Variants in CABLES1 observed in about 807,000 individuals in gnomAD.
The protein encoded by CABLES1 is Cdk5 and Abl enzyme substrate 1, also known as CDK5 and ABL1 enzyme substrate 1.
In CABLES1, 36 loss-of-function variants were observed where a neutral mutation model predicts 57.8. That is an observed-to-expected ratio of 0.62 (90% CI 0.48 to 0.82). The LOEUF is 0.82. Among genes scored for constraint, CABLES1 ranks in the 40% least tolerant of loss-of-function variants. CABLES1 has a pLI of 0.00. For missense variants in CABLES1, 767 were observed against 836.6 expected (o/e 0.92, Z 1.03); for synonymous variants, 374 against 363.0 (o/e 1.03, Z -0.35).
At chr18:23,156,355 T>TCTGTTCTCTG (rs1181992252) in intron 1 of CABLES1, among the ~76,000 whole-genome samples, 81 of 152,316 alleles carry the variant, frequency 5.3e-4, no homozygotes, top group African/African-American at 1.9e-3. Context: ...GGCCAAAGGC[T>TCTGTTCTCTG]GCTTGGCTGT....
rs1242926124 is a variant in CABLES1, at chr18:23,251,181, G to A, written c.1447-1779G>A. The stretch of plus-strand genomic sequence containing the variant: ...AGATTATGGCATGTAGGCCGGGCAC[G>A]GTTGCTCATGCCTGTAATGCCAGCA... On this transcript the variant is annotated intron_variant, in intron 7 of 9. Coordinates refer to ENST00000256925, the MANE Select transcript of CABLES1 (RefSeq NM_001100619.3). Among the ~76,000 whole-genome samples the A allele has an allele frequency of 2.0e-5, 3 of 152,208 alleles. 1 individual carries two copies. Among genetic ancestry groups the A allele is most frequent in the African/African-American group, 7.2e-5 (3 of 41,442 alleles).
intron 1 of CABLES1, among the ~76,000 whole-genome samples, chr18:23,137,176 G>C (rs1429299597): frequency 6.6e-6 from 1 of 152,188 alleles, no homozygotes; most frequent in Non-Finnish European, 1.5e-5. Context: ...CCTCCAACTA[G>C]GCCTAGGGGG....
intron 7 of CABLES1, among the ~76,000 whole-genome samples, chr18:23,249,018 T>C (rs1324711391): frequency 6.6e-6 from 1 of 152,172 alleles, no homozygotes; most frequent in African/African-American, 2.4e-5. Flanking sequence ...GCGCTGGCAC[T>C]GGCTGCTGGC....
rs537195650 is a variant in CABLES1, at chr18:23,185,696, A to G, written c.846-3142A>G. 5.9e-5 allele frequency among the ~76,000 whole-genome samples: 9 copies of G among 152,222 alleles called. No individual in the cohort carries two copies. In the South Asian group the frequency reaches 6.2e-4, roughly 11 times the overall value. ...TGGGTGCAGATTGAACAAAACATCA[A>G]TTGCCTATTTACTGGTCACCTGAAA... On this transcript the variant is annotated intron_variant, in intron 1 of 9. Coordinates refer to ENST00000256925, the MANE Select transcript of CABLES1 (RefSeq NM_001100619.3).
intron 4 of CABLES1, among the ~76,000 whole-genome samples, chr18:23,226,271 A>G (rs1404812760): frequency 1.3e-5 from 2 of 152,116 alleles, no homozygotes; most frequent in Non-Finnish European, 2.9e-5. Flanking sequence ...GCATGGTGGC[A>G]TGTGCCCGTA....
chr18:23,199,219 C>T (rs1040069368), intron 3 of CABLES1, among the ~76,000 whole-genome samples: 1 of 152,200 alleles, frequency 6.6e-6, no homozygotes, highest in African/African-American at 2.4e-5. Flanking sequence ...AAAGTTGGAA[C>T]TGTCATACAT....
At chr18:23,234,571 C>T in intron 4 of CABLES1, 37 bp from the exon 5 acceptor site, 2 of 1,542,640 alleles carry the variant, frequency 1.3e-6, no homozygotes, top group Non-Finnish European at 1.8e-6. Flanking sequence ...GAGGTGCACA[C>T]AAAAGCATTT....
At chr18:23,156,930 TAAGA>T (rs2046969807) in intron 1 of CABLES1, among the ~76,000 whole-genome samples, 1 of 152,158 alleles carries the variant, frequency 6.6e-6, no homozygotes, top group African/African-American at 2.4e-5. Context: ...CTAAAAATGC[TAAGA>T]AAAAGACAAG....
intron 7 of CABLES1, among the ~76,000 whole-genome samples, chr18:23,241,550 C>G (rs574072809): frequency 2.0e-5 from 3 of 152,238 alleles, no homozygotes; most frequent in South Asian, 4.1e-4. Flanking sequence ...AATAAAAATG[C>G]TCAGTGATAT....
At chr18:23,188,113 C>G (rs1242624314) in intron 1 of CABLES1, among the ~76,000 whole-genome samples, 1 of 152,226 alleles carries the variant, frequency 6.6e-6, no homozygotes, top group Non-Finnish European at 1.5e-5. Context: ...CCACCCTACC[C>G]TGCTCCCTGT....
intron 1 of CABLES1, among the ~76,000 whole-genome samples, chr18:23,182,694 A>G (rs978652266): frequency 1.3e-5 from 2 of 152,224 alleles, no homozygotes; most frequent in Non-Finnish European, 2.9e-5. Context: ...GTCACCTTCC[A>G]CGAAGTGGGC....
chr18:23,181,918 A>G (rs1477574565), intron 1 of CABLES1, among the ~76,000 whole-genome samples: 3 of 152,362 alleles, frequency 2.0e-5, no homozygotes, highest in Non-Finnish European at 1.5e-5. Context: ...TGAAGTAATC[A>G]TGACCTCAGC....
intron 2 of CABLES1, among the ~76,000 whole-genome samples, chr18:23,193,811 T>A (rs2145024457): frequency 6.6e-6 from 1 of 152,278 alleles, no homozygotes; most frequent in Non-Finnish European, 1.5e-5. Flanking sequence ...AATAAAAATT[T>A]TAAAAAAACT....
At chr18:23,141,535 T>C (rs987533216) in intron 1 of CABLES1, among the ~76,000 whole-genome samples, 12 of 152,232 alleles carry the variant, frequency 7.9e-5, no homozygotes, top group Admixed American at 2.0e-4. Flanking sequence ...ATCTCAGCAG[T>C]AAGCAAACAC....
At chr18:23,159,835 T>C (rs536716485) in intron 1 of CABLES1, among the ~76,000 whole-genome samples, 1 of 152,148 alleles carries the variant, frequency 6.6e-6, no homozygotes, top group Admixed American at 6.5e-5. Context: ...CCATTTCATC[T>C]AAAGATAAAA....
At chr18:23,188,403 A>T (rs923433722) in intron 1 of CABLES1, among the ~76,000 whole-genome samples, 3 of 152,204 alleles carry the variant, frequency 2.0e-5, no homozygotes, top group Non-Finnish European at 4.4e-5. Flanking sequence ...GTTGTTTTTA[A>T]TAGGGTTTCA....
chr18:23,150,943 G>A (rs917865748), intron 1 of CABLES1, among the ~76,000 whole-genome samples: 1 of 152,074 alleles, frequency 6.6e-6, no homozygotes, highest in Non-Finnish European at 1.5e-5. Context: ...GAATCGGGCG[G>A]ATGCCTCATA....
intron 1 of CABLES1, among the ~76,000 whole-genome samples, chr18:23,154,918 T>C (rs2144966401): frequency 6.6e-6 from 1 of 152,358 alleles, no homozygotes; most frequent in Admixed American, 6.5e-5. Flanking sequence ...GATATTCATG[T>C]CATTTACCCA....
rs762629061 is a variant in CABLES1 at position 23,257,348 on chromosome 18, G to A, written c.1883G>A (p.Arg628Gln). The change falls in exon 10 of 10, where the codon CGG (arginine) becomes CAG (glutamine). Residue 628 changes from arginine to glutamine, a missense_variant. Coordinates refer to ENST00000256925, the MANE Select transcript of CABLES1 (RefSeq NM_001100619.3). ...PEHEVMPHYR[R>Q]LVQSS is the part of the protein sequence containing the mutation. ...CACGAAGTCATGCCCCACTACAGAC[G>A]GCTGGTCCAGAGTTCCTAGCACTGG... 35 of 1,610,100 alleles carry A rather than the reference G, an allele frequency of 2.2e-5. No homozygotes were observed. Among genetic ancestry groups the A allele is most frequent in the South Asian group, 3.3e-5 (3 of 90,250 alleles).
Sources: gnomAD v4.1 joint callset for allele counts (sites outside exome capture counted in the v4.1 genomes callset) on GRCh38, gnomAD v4.1.1 for gene constraint, MANE v1.5 for transcripts, NCBI Gene and HGNC (gene_info 2026-07-23, HGNC 2026-07-21) for gene names.